MICAL3: variants seen among roughly 807,000 people sequenced by gnomAD.
MICAL3 encodes microtubule associated monooxygenase, calponin and LIM domain containing 3.
Under a neutral mutation model 207.4 loss-of-function variants are expected in MICAL3, and 62 were observed. The ratio of observed to expected loss-of-function variants is 0.30; its 90% confidence interval spans 0.24 to 0.37. The LOEUF (loss-of-function observed/expected upper bound fraction) is 0.37. Ranked by LOEUF, MICAL3 falls within the 10% of genes least tolerant of loss-of-function variation. The probability of loss-of-function intolerance (pLI) is 1.00; values close to 1 mark genes in which losing one functional copy is unlikely to be tolerated. For missense variants in MICAL3, 2,368 were observed against 2,635.6 expected (o/e 0.90, Z 2.22); for synonymous variants, 1,077 against 1,069.3 (o/e 1.01, Z -0.14).
chr22:17,843,664 G>A (rs1347912177), intron 19 of MICAL3, among the ~76,000 whole-genome samples: 5 of 152,150 alleles, frequency 3.3e-5, no homozygotes, highest in Admixed American at 1.3e-4. Flanking sequence ...TCCACTTAAC[G>A]CCTGCCACCT....
intron 19 of MICAL3, among the ~76,000 whole-genome samples, chr22:17,844,303 C>T (rs1924406628): frequency 6.6e-6 from 1 of 152,168 alleles, no homozygotes; most frequent in Admixed American, 6.5e-5. Flanking sequence ...ATCATACAAG[C>T]CAGTGTTGAG....
intron 27 of MICAL3, among the ~76,000 whole-genome samples, chr22:17,811,971 T>C (rs2062053431): frequency 6.6e-6 from 1 of 152,172 alleles, no homozygotes; most frequent in South Asian, 2.1e-4. Context: ...CTGGTCTTAA[T>C]CTCCTGGGCT....
intron 29 of MICAL3, among the ~76,000 whole-genome samples, chr22:17,805,631 G>A (rs185101156): frequency 8.5e-5 from 13 of 152,208 alleles, no homozygotes; most frequent in Non-Finnish European, 1.5e-4. Context: ...GAACCCTAAG[G>A]TTCTTCCAAA....
chr22:17,959,904 A>T (rs981420760), intron 1 of MICAL3, among the ~76,000 whole-genome samples: 2 of 152,234 alleles, frequency 1.3e-5, no homozygotes, highest in African/African-American at 4.8e-5. Flanking sequence ...GAAGGAACTG[A>T]ACTCATTTGA....
chr22:17,945,090 T>C (rs1334405181), intron 1 of MICAL3, among the ~76,000 whole-genome samples: 4 of 151,160 alleles, frequency 2.6e-5, no homozygotes, highest in Non-Finnish European at 1.5e-5. Flanking sequence ...TACCTCAGGC[T>C]GGACTCAGTC....
chr22:17,795,909 GGGTTTATA>G (rs2061871661), intron 29 of MICAL3, among the ~76,000 whole-genome samples: 1 of 129,124 alleles, frequency 7.7e-6, no homozygotes, highest in African/African-American at 3.0e-5. Flanking sequence ...CGGGGGTGGG[GGGTTTATA>G]GTAAATGCTT....
chr22:17,812,029 G>T (rs557824556), intron 27 of MICAL3, among the ~76,000 whole-genome samples: 1 of 152,202 alleles, frequency 6.6e-6, no homozygotes, highest in African/African-American at 2.4e-5. Flanking sequence ...GATTACAGGT[G>T]TGAGCCACCA....
At position 17,816,677 on chromosome 22, in the gene MICAL3, C is replaced by T. The variant is rs763635696; in HGVS notation, c.5445+13G>A. 4 of 1,548,178 alleles carry T rather than the reference C, an allele frequency of 2.6e-6. No individual in the cohort carries two copies. The highest frequency in any genetic ancestry group is 1.7e-6 in the Non-Finnish European group (2 of 1,144,034). On this transcript the variant is annotated intron_variant, in intron 27 of 31. Coordinates refer to ENST00000441493, the MANE Select transcript of MICAL3 (RefSeq NM_015241.3). ...GCCCCAGGCCCTGTGAAGCCCCCTG[C>T]CTGACTACCCACCTCTCGCCGGGAC...
chr22:17,875,470 G>A, intron 16 of MICAL3: 1 of 1,561,518 alleles, frequency 6.4e-7, no homozygotes, highest in Non-Finnish European at 8.7e-7. Context: ...TCGGAGGAGG[G>A]AGAGGCGGGG....
intron 1 of MICAL3, among the ~76,000 whole-genome samples, chr22:17,907,102 C>A (rs143620595): frequency 1.3e-5 from 2 of 152,038 alleles, no homozygotes; most frequent in Admixed American, 1.3e-4. Context: ...GTCTAGGAGA[C>A]GAGGCAGACA....
At chr22:17,894,640 T>C (rs1701991256) in intron 10 of MICAL3, among the ~76,000 whole-genome samples, 1 of 150,928 alleles carries the variant, frequency 6.6e-6, no homozygotes, top group Non-Finnish European at 1.5e-5. Flanking sequence ...CTACTAAAAA[T>C]ACAAAAATTA....
At chr22:17,969,452 G>A (rs1194000005) in intron 1 of MICAL3, among the ~76,000 whole-genome samples, 2 of 152,250 alleles carry the variant, frequency 1.3e-5, no homozygotes, top group Non-Finnish European at 2.9e-5. Flanking sequence ...GAGCCGACAG[G>A]CGTTGTGGAA....
chr22:17,907,391 C>T (rs949754704), intron 1 of MICAL3, among the ~76,000 whole-genome samples: 1 of 152,176 alleles, frequency 6.6e-6, no homozygotes, highest in Non-Finnish European at 1.5e-5. Flanking sequence ...CCAGCTTAGG[C>T]CCCGGATTAA....
chr22:17,951,504 T>G (rs1934348267), intron 1 of MICAL3, among the ~76,000 whole-genome samples: 2 of 151,628 alleles, frequency 1.3e-5, no homozygotes, highest in Non-Finnish European at 2.9e-5. Flanking sequence ...TCATTATCCC[T>G]GCTTCGCCAA....
intron 21 of MICAL3, among the ~76,000 whole-genome samples, chr22:17,830,651 G>C (rs993443954): frequency 6.6e-6 from 1 of 152,202 alleles, no homozygotes; most frequent in Non-Finnish European, 1.5e-5. Context: ...TGGAGGGAGA[G>C]CCCAGATTCA....
rs1290930521 is a variant in MICAL3 at position 17,823,075 on chromosome 22, G to C, written c.3194-15C>G. The C allele has an allele frequency of 6.5e-7, 1 of 1,541,564 alleles. No individual in the cohort carries two copies. Among genetic ancestry groups the C allele is most frequent in the Admixed American group, 1.7e-5 (1 of 59,874 alleles). ...ATCCAATGGGGCTGCAAAGCAGAAA[G>C]GTTCAAAGGAAGGAAGAAAAGGAGG... On this transcript the variant is annotated splice_polypyrimidine_tract_variant and intron_variant, in intron 22 of 31. Coordinates refer to ENST00000441493, the MANE Select transcript of MICAL3 (RefSeq NM_015241.3).
intron 1 of MICAL3, among the ~76,000 whole-genome samples, chr22:17,996,446 A>G (rs1045332608): frequency 1.3e-5 from 1 of 74,636 alleles, no homozygotes; most frequent in African/African-American, 5.0e-5. Context: ...TCCATCTCAG[A>G]AAAAAAAAAA....
intron 1 of MICAL3, among the ~76,000 whole-genome samples, chr22:17,927,787 G>C (rs1410007996): frequency 6.6e-6 from 1 of 152,060 alleles, no homozygotes; most frequent in East Asian, 1.9e-4. Flanking sequence ...CGGGGCTTTA[G>C]GGCCACATCT....
intron 1 of MICAL3, among the ~76,000 whole-genome samples, chr22:17,978,268 C>T (rs1935745495): frequency 6.6e-6 from 1 of 152,152 alleles, no homozygotes; most frequent in Admixed American, 6.5e-5. Flanking sequence ...AAACACCATG[C>T]TAAGTGAAAG....
Sources: allele counts gnomAD v4.1 joint callset (sites outside exome capture counted in the v4.1 genomes callset), GRCh38; gene constraint gnomAD v4.1.1; transcripts MANE v1.5; gene names NCBI Gene and HGNC (gene_info 2026-07-23, HGNC 2026-07-21).